GALNT13: variants seen among roughly 807,000 people sequenced by gnomAD.
GALNT13 encodes polypeptide N-acetylgalactosaminyltransferase 13.
Under a neutral mutation model 64.2 loss-of-function variants are expected in GALNT13, and 28 were observed. The ratio of observed to expected loss-of-function variants is 0.44; its 90% CI spans 0.32 to 0.60. The LOEUF is 0.60. GALNT13 is among the 20% of genes least tolerant of loss of function. The probability of loss-of-function intolerance (pLI) is 0.05; values close to 1 mark genes in which losing one functional copy is unlikely to be tolerated. For missense variants in GALNT13, 577 were observed against 669.8 expected, an observed-to-expected ratio of 0.86 and a Z score of 1.53; for synonymous variants, 214 against 224.6, an observed-to-expected ratio of 0.95 and a Z score of 0.42.
the GALNT13 span, among the ~76,000 whole-genome samples, chr2:153,345,675 CTT>C: frequency 1.4e-4 from 20 of 139,900 alleles, no homozygotes; most frequent in African/African-American, 5.4e-4. Context: ...TTCTTTCTTT[CTT>C]TCTTTCTTTC....
the GALNT13 span, among the ~76,000 whole-genome samples, chr2:153,206,013 T>C: frequency 6.6e-6 from 1 of 152,002 alleles, no homozygotes; most frequent in East Asian, 1.9e-4. Context: ...TGAATAAAAG[T>C]GGAAAAAAAT....
chr2:153,252,482 C>T, the GALNT13 span, among the ~76,000 whole-genome samples: 2 of 148,164 alleles, frequency 1.3e-5, no homozygotes, highest in African/African-American at 5.0e-5. Flanking sequence ...TTAATTAGAT[C>T]CCATTTGTCA....
rs377274274 is a variant in GALNT13, at chr2:154,165,242, G to A, written c.311+24737G>A. Among the ~76,000 whole-genome samples the A allele has an allele frequency of 4.8e-4, 73 of 152,142 alleles. No homozygotes were observed. In the East Asian group the frequency reaches 9.7e-3, roughly 20 times the overall value. On this transcript the variant is annotated intron_variant, in intron 4 of 12. Coordinates refer to ENST00000392825, the MANE Select transcript of GALNT13 (RefSeq NM_052917.4). ...ATTAGAAGACTGATATTTTTCCTTG[G>A]GGAACTTTTACCTCCTTCACTGTCT...
the GALNT13 span, among the ~76,000 whole-genome samples, chr2:153,460,680 C>T: frequency 2.2e-4 from 34 of 152,138 alleles, 1 homozygote; most frequent in East Asian, 6.0e-3. Context: ...TTAAGATACA[C>T]GCTGGGTTGA....
chr2:153,544,787 G>A, the GALNT13 span, among the ~76,000 whole-genome samples: 1 of 152,166 alleles, frequency 6.6e-6, no homozygotes, highest in East Asian at 1.9e-4. Flanking sequence ...ACTGAAGTAT[G>A]TAGTTATTTT....
At chr2:154,139,231 A>G (rs1224323580) in intron 3 of GALNT13, among the ~76,000 whole-genome samples, 2 of 152,090 alleles carry the variant, frequency 1.3e-5, no homozygotes, top group Admixed American at 6.6e-5. Flanking sequence ...GGCTCAGAGC[A>G]AAATTTGCTG....
At chr2:154,216,802 CTTTTTTTTTTTTT>C (rs397872685) in intron 4 of GALNT13, among the ~76,000 whole-genome samples, 1 of 71,296 alleles carries the variant, frequency 1.4e-5, no homozygotes, top group Admixed American at 1.8e-4. Context: ...TTCTCTCTCT[CTTTTTTTTTTTTT>C]TTTTTTTTTT....
At chr2:153,963,670 A>G (rs886935262) in intron 3 of GALNT13, among the ~76,000 whole-genome samples, 7 of 151,278 alleles carry the variant, frequency 4.6e-5, no homozygotes, top group African/African-American at 1.5e-4. Flanking sequence ...CGTGATAACT[A>G]TTGATACTGA....
At chr2:153,685,907 C>T in the GALNT13 span, among the ~76,000 whole-genome samples, 4 of 152,016 alleles carry the variant, frequency 2.6e-5, no homozygotes, top group Admixed American at 6.6e-5. Flanking sequence ...GGAATACCTT[C>T]CTCATTGCTT....
chr2:153,590,978 T>C, the GALNT13 span, among the ~76,000 whole-genome samples: 1 of 151,966 alleles, frequency 6.6e-6, no homozygotes, highest in Admixed American at 6.6e-5. Flanking sequence ...AGAAATCAGG[T>C]AAGGAAAAGA....
the GALNT13 span, among the ~76,000 whole-genome samples, chr2:153,540,322 T>C: frequency 6.6e-6 from 1 of 152,198 alleles, no homozygotes; most frequent in African/African-American, 2.4e-5. Context: ...CAAGAGTTGA[T>C]GTTTGGAAAC....
At chr2:153,535,070 T>C in the GALNT13 span, among the ~76,000 whole-genome samples, 1 of 152,020 alleles carries the variant, frequency 6.6e-6, no homozygotes, top group Non-Finnish European at 1.5e-5. Context: ...TCAGGGCTGC[T>C]TCAGGCGGGA....
the GALNT13 span, among the ~76,000 whole-genome samples, chr2:153,706,084 C>A: frequency 6.6e-5 from 10 of 152,106 alleles, no homozygotes; most frequent in African/African-American, 2.4e-4. Context: ...GCAACCCCTG[C>A]CTCCCGGGTT....
At chr2:153,130,435 C>A in the GALNT13 span, among the ~76,000 whole-genome samples, 33 of 152,112 alleles carry the variant, frequency 2.2e-4, no homozygotes, top group Non-Finnish European at 4.4e-4. Flanking sequence ...ACATCAACTT[C>A]TTTGGTTTTA....
the GALNT13 span, among the ~76,000 whole-genome samples, chr2:153,708,172 A>T: frequency 1.3e-5 from 2 of 152,130 alleles, no homozygotes; most frequent in Non-Finnish European, 2.9e-5. Context: ...ATGAAAAAAA[A>T]AGTATTTTAC....
the GALNT13 span, among the ~76,000 whole-genome samples, chr2:153,140,125 G>T: frequency 3.9e-5 from 6 of 152,052 alleles, no homozygotes; most frequent in African/African-American, 1.4e-4. Context: ...CGCCAGATTT[G>T]AAGTAAACAA....
At chr2:153,761,185 T>C in the GALNT13 span, among the ~76,000 whole-genome samples, 3 of 152,198 alleles carry the variant, frequency 2.0e-5, no homozygotes, top group Non-Finnish European at 2.9e-5. Flanking sequence ...TCAGTAACTC[T>C]ATGTCTTTTT....
the GALNT13 span, among the ~76,000 whole-genome samples, chr2:153,714,937 C>T: frequency 6.6e-6 from 1 of 152,178 alleles, no homozygotes; most frequent in African/African-American, 2.4e-5. Flanking sequence ...CTGTTGAGAG[C>T]TAATTAAAAT....
intron 1 of GALNT13, among the ~76,000 whole-genome samples, chr2:153,878,184 A>C (rs999918828): frequency 6.6e-6 from 1 of 152,222 alleles, no homozygotes; most frequent in Non-Finnish European, 1.5e-5. Flanking sequence ...ATATTTTAAC[A>C]CCAAATAACA....
Sources: gnomAD v4.1 joint callset for allele counts (sites outside exome capture counted in the v4.1 genomes callset) on GRCh38, gnomAD v4.1.1 for gene constraint, MANE v1.5 for transcripts, NCBI Gene and HGNC (gene_info 2026-07-23, HGNC 2026-07-21) for gene names.